Variants in LDLRAD3 observed in about 807,000 individuals in gnomAD.
LDLRAD3 encodes the protein low-density lipoprotein receptor class A domain-containing protein 3.
In LDLRAD3, 20 loss-of-function variants were observed where a neutral mutation model predicts 29.4. The observed-to-expected ratio is 0.68, with a 90% confidence interval of 0.48 to 0.99. The LOEUF (loss-of-function observed/expected upper bound fraction) is 0.99, where lower values mean the gene tolerates loss of function less well. Ranked by LOEUF, LDLRAD3 falls within the 50% of genes least tolerant of loss-of-function variation. The pLI is 0.00. For synonymous variants in LDLRAD3, 157 were observed against 192.7 expected (o/e 0.81, Z 1.53); for missense variants, 420 against 454.3 (o/e 0.92, Z 0.69).
chr11:35,971,664 TC>T (rs1324106498), intron 1 of LDLRAD3, among the ~76,000 whole-genome samples: 1 of 152,132 alleles, frequency 6.6e-6, no homozygotes, highest in African/African-American at 2.4e-5. Flanking sequence ...AGCCCCTCGG[TC>T]AGTGGCATTT....
intron 4 of LDLRAD3, among the ~76,000 whole-genome samples, chr11:36,211,440 G>A (rs550480714): frequency 7.0e-4 from 106 of 152,274 alleles, no homozygotes; most frequent in Non-Finnish European, 1.2e-3. Flanking sequence ...TTCCTAAAAC[G>A]AGCTTTGTAG....
intron 4 of LDLRAD3, among the ~76,000 whole-genome samples, chr11:36,171,462 T>A (rs903778662): frequency 1.3e-5 from 2 of 152,204 alleles, no homozygotes; most frequent in African/African-American, 4.8e-5. Flanking sequence ...ATCTTGAGTT[T>A]ATTTTTGTAT....
At chr11:35,973,974 A>G (rs896337253) in intron 1 of LDLRAD3, among the ~76,000 whole-genome samples, 2 of 152,180 alleles carry the variant, frequency 1.3e-5, no homozygotes, top group African/African-American at 2.4e-5. Flanking sequence ...TGTAAGAACC[A>G]TGTGTAGTTT....
chr11:36,060,049 G>A (rs1852674384), intron 2 of LDLRAD3, among the ~76,000 whole-genome samples: 1 of 152,186 alleles, frequency 6.6e-6, no homozygotes, highest in African/African-American at 2.4e-5. Context: ...TAAGGAAATG[G>A]AGGCATCAGA....
At chr11:36,057,218 G>A (rs906924695) in intron 2 of LDLRAD3, among the ~76,000 whole-genome samples, 1 of 152,172 alleles carries the variant, frequency 6.6e-6, no homozygotes, top group East Asian at 1.9e-4. Flanking sequence ...CTCACTCAGT[G>A]GTTCCTGTGA....
intron 1 of LDLRAD3, among the ~76,000 whole-genome samples, chr11:36,032,508 T>G (rs1852248510): frequency 6.6e-6 from 1 of 152,098 alleles, no homozygotes; most frequent in Non-Finnish European, 1.5e-5. Context: ...GTCCAAAGGT[T>G]TTTTAATTAA....
intron 4 of LDLRAD3, among the ~76,000 whole-genome samples, chr11:36,105,742 C>G (rs1343648926): frequency 1.3e-5 from 2 of 152,146 alleles, no homozygotes; most frequent in African/African-American, 4.8e-5. Context: ...TCTCGCAGCC[C>G]TCTGAAGGAG....
chr11:36,203,903 G>T (rs1023474870), intron 4 of LDLRAD3, among the ~76,000 whole-genome samples: 1 of 152,080 alleles, frequency 6.6e-6, no homozygotes, highest in Non-Finnish European at 1.5e-5. Context: ...CTGGAATAGT[G>T]TGTGATTTCT....
chr11:36,064,253 C>T (rs1398522085), intron 2 of LDLRAD3, among the ~76,000 whole-genome samples: 2 of 151,990 alleles, frequency 1.3e-5, no homozygotes, highest in Non-Finnish European at 2.9e-5. Flanking sequence ...TTGGTGTATC[C>T]ACCTTGTCTC....
intron 4 of LDLRAD3, among the ~76,000 whole-genome samples, chr11:36,148,551 G>C (rs1035600307): frequency 6.6e-6 from 1 of 152,184 alleles, no homozygotes; most frequent in Non-Finnish European, 1.5e-5. Context: ...GAATGCTTCA[G>C]TCTATCCTGT....
chr11:35,980,612 C>T (rs966089998), intron 1 of LDLRAD3, among the ~76,000 whole-genome samples: 2 of 152,202 alleles, frequency 1.3e-5, no homozygotes, highest in South Asian at 2.1e-4. Context: ...TTTCCAAATG[C>T]GAACAGGTGC....
chr11:36,128,941 G>T (rs1853885344), intron 4 of LDLRAD3, among the ~76,000 whole-genome samples: 1 of 152,088 alleles, frequency 6.6e-6, no homozygotes, highest in African/African-American at 2.4e-5. Context: ...AGAGACACTG[G>T]CTGGGATGCT....
At chr11:36,116,455 A>T (rs1439928776) in intron 4 of LDLRAD3, among the ~76,000 whole-genome samples, 1 of 152,076 alleles carries the variant, frequency 6.6e-6, no homozygotes, top group African/African-American at 2.4e-5. Flanking sequence ...GATGCTCATA[A>T]GGCGCTTCTA....
chr11:36,149,054 C>T lies in LDLRAD3; in HGVS notation c.454+50593C>T, dbSNP rs78967295. Reference sequence around the variant, plus strand: ...ACACTGGGATGATAAAGAGAGAACACCTGGCCACAGCGTCTGGAAACTCCT... The same window carrying T: ...ACACTGGGATGATAAAGAGAGAACATCTGGCCACAGCGTCTGGAAACTCCT... On this transcript the variant is annotated intron_variant, in intron 4 of 5. Coordinates refer to ENST00000315571, the MANE Select transcript of LDLRAD3 (RefSeq NM_174902.4). 6.8e-3 allele frequency among the ~76,000 whole-genome samples: 1,034 copies of T among 152,296 alleles called. 16 individuals carry two copies. Among genetic ancestry groups the T allele is most frequent in the African/African-American group, 0.024 (982 of 41,560 alleles).
Position 36,172,640 on chromosome 11 carries a change from G to A in LDLRAD3, c.455-54445G>A, listed in dbSNP as rs563303092. The stretch of plus-strand genomic sequence containing the variant: ...TGATGTATCACATTTCTTGACTTGC[G>A]TATATTAAACCAGCCCTGCATCCCT... On this transcript the variant is annotated intron_variant, in intron 4 of 5. Transcript: ENST00000315571. 8.2e-4 allele frequency among the ~76,000 whole-genome samples: 125 copies of A among 152,082 alleles called. 1 individual carries two copies. The highest frequency in any genetic ancestry group is 2.6e-3 in the African/African-American group (109 of 41,474).
intron 1 of LDLRAD3, among the ~76,000 whole-genome samples, chr11:35,983,966 G>A (rs1851576891): frequency 6.6e-6 from 1 of 152,186 alleles, no homozygotes; most frequent in Non-Finnish European, 1.5e-5. Flanking sequence ...ATTATCTAAA[G>A]CCAATGACAA....
chr11:36,063,786 A>G lies in LDLRAD3; in HGVS notation c.194-17867A>G, dbSNP rs1028820914. Among the ~76,000 whole-genome samples the G allele has an allele frequency of 8.5e-5, 13 of 152,348 alleles. No individual in the cohort carries two copies. The South Asian group carries it at 1.4e-3, about 17-fold the overall frequency. Reference sequence around the variant, plus strand: ...GATCCATATGTGTACCCTTATGCCAATAACCACAGTGTCTTAATTACTCTA... The same window carrying G: ...GATCCATATGTGTACCCTTATGCCAGTAACCACAGTGTCTTAATTACTCTA... On this transcript the variant is annotated intron_variant, in intron 2 of 5. Coordinates refer to ENST00000315571, the MANE Select transcript of LDLRAD3 (RefSeq NM_174902.4).
At chr11:36,026,027 G>A (rs374084840) in intron 1 of LDLRAD3, among the ~76,000 whole-genome samples, 1 of 151,564 alleles carries the variant, frequency 6.6e-6, no homozygotes, top group Non-Finnish European at 1.5e-5. Context: ...TGATCTGCCC[G>A]CCTTGGCCTC....
At chr11:36,203,289 G>A (rs1855154637) in intron 4 of LDLRAD3, among the ~76,000 whole-genome samples, 1 of 152,118 alleles carries the variant, frequency 6.6e-6, no homozygotes, top group African/African-American at 2.4e-5. Flanking sequence ...ACTTTATAAC[G>A]ACCATGTCTG....
Sources: gnomAD v4.1 joint callset for allele counts (sites outside exome capture counted in the v4.1 genomes callset) on GRCh38, gnomAD v4.1.1 for gene constraint, MANE v1.5 for transcripts, NCBI Gene and HGNC (gene_info 2026-07-23, HGNC 2026-07-21) for gene names.